IFI44: variants seen among roughly 807,000 people sequenced by gnomAD.
IFI44 encodes interferon-induced protein 44.
Under a neutral mutation model 45.0 loss-of-function variants are expected in IFI44, and 42 were observed. The ratio of observed to expected loss-of-function variants is 0.93; its 90% CI spans 0.73 to 1.21. The LOEUF is 1.21. IFI44 is among the 50% of genes most tolerant of loss of function. The pLI is 0.00. For missense variants in IFI44, 623 were observed against 525.8 expected (o/e 1.18, Z -1.81); for synonymous variants, 221 against 188.6 (o/e 1.17, Z -1.41).
intron 2 of IFI44, among the ~76,000 whole-genome samples, 192 bp downstream of exon 2, chr1:78,650,844 C>A (rs1014946771): frequency 2.0e-5 from 3 of 152,104 alleles, no homozygotes; most frequent in South Asian, 2.1e-4. Context: ...TGATAAGAAC[C>A]CTTAACGTAA....
chr1:78,656,337 A>G (rs1367224870), intron 5 of IFI44, among the ~76,000 whole-genome samples: 1 of 152,216 alleles, frequency 6.6e-6, no homozygotes, highest in East Asian at 1.9e-4. Flanking sequence ...TAGTCTTTTA[A>G]TGAACATTCA....
Position 78,662,781 on chromosome 1 carries a change from G to T in IFI44, c.1191G>T (p.Glu397Asp). ...TTAGCAATTATTCCTCTGAGTGGGA[G>T]CTGGACCCTGTAAAGGATGTTCTAA... ...SVVSNYSSEWELDPVKDVLIL... is the reference protein window; with the variant it reads ...SVVSNYSSEWDLDPVKDVLIL... The change falls in exon 8 of 9, where the codon GAG (glutamate) becomes GAT (aspartate). Residue 397 changes from glutamate to aspartate, a missense_variant. Transcript: ENST00000370747. 1 of 1,613,744 alleles carries T rather than the reference G, an allele frequency of 6.2e-7. No homozygotes were observed. The highest frequency in any genetic ancestry group is 8.5e-7 in the Non-Finnish European group (1 of 1,179,872).
chr1:78,654,146 TG>T, intron 2 of IFI44, 96 bp from the exon 3 acceptor site: 1 of 757,030 alleles, frequency 1.3e-6, no homozygotes, highest in Middle Eastern at 2.4e-4. Flanking sequence ...AGGCTATTTT[TG>T]TATTTGTCCC....
chr1:78,657,123 A>G (rs2100457604), intron 5 of IFI44, among the ~76,000 whole-genome samples: 1 of 152,136 alleles, frequency 6.6e-6, no homozygotes, highest in Admixed American at 6.6e-5. Flanking sequence ...AAACATAGCC[A>G]TAATACTCTT....
chr1:78,652,663 TC>T (rs1449930328), intron 2 of IFI44, among the ~76,000 whole-genome samples: 1 of 152,224 alleles, frequency 6.6e-6, no homozygotes, highest in Non-Finnish European at 1.5e-5. Context: ...TTGTTCCTTT[TC>T]ATTCATATAG....
intron 3 of IFI44, 87 bp from the exon 4 acceptor site, chr1:78,654,927 T>TA (rs1280997648): frequency 2.8e-5 from 28 of 1,010,080 alleles, no homozygotes; most frequent in Middle Eastern, 7.0e-4. Context: ...AAATAATATC[T>TA]ATGAAAAAAT....
At chr1:78,655,539 A>G (rs1647193910) in intron 5 of IFI44, 28 bp downstream of exon 5, 4 of 1,567,744 alleles carry the variant, frequency 2.6e-6, no homozygotes, top group Non-Finnish European at 3.5e-6. Flanking sequence ...AGAAATTATA[A>G]CTGATTTTTA....
chr1:78,663,822 GGT>G lies in IFI44; in HGVS notation c.*12_*13del, dbSNP rs1647610449. The G allele has an allele frequency of 3.1e-6, 5 of 1,609,096 alleles. No homozygotes were observed. The South Asian group carries it at 5.5e-5, about 18-fold the overall frequency. Reference sequence around the variant, plus strand: ...CAAGGAAAAAAATAGATATGTGAAAGGTTCACGTAAATTTCCTCACATCACAG... The same window carrying G: ...CAAGGAAAAAAATAGATATGTGAAAGTCACGTAAATTTCCTCACATCACAG... On this transcript the variant is annotated 3_prime_UTR_variant, in exon 9 of 9. Coordinates refer to ENST00000370747, the MANE Select transcript of IFI44 (RefSeq NM_006417.5).
At chr1:78,653,656 C>T (rs1372354957) in intron 2 of IFI44, among the ~76,000 whole-genome samples, 3 of 152,166 alleles carry the variant, frequency 2.0e-5, no homozygotes, top group Non-Finnish European at 4.4e-5. Flanking sequence ...CTGCTTACCC[C>T]TGAACAATTT....
chr1:78,655,102 AT>A lies in IFI44; in HGVS notation c.585del (p.Ile195MetfsTer12). On this transcript the variant is annotated frameshift_variant, in exon 4 of 9. Coordinates refer to ENST00000370747, the MANE Select transcript of IFI44 (RefSeq NM_006417.5). LOFTEE classifies it high-confidence loss of function. Reference sequence around the variant, plus strand: ...AATACGAATTCTGCTGCTGGGTCCAATTGGAGCTGGGAAGTCCAGCTTTTTC... The same window carrying A: ...AATACGAATTCTGCTGCTGGGTCCAATGGAGCTGGGAAGTCCAGCTTTTTC... ...QQIRILLLGP[I>X]GAGKSSFFNS... 1 of 1,613,900 alleles carries A rather than the reference AT, an allele frequency of 6.2e-7. No homozygotes were observed. The highest frequency in any genetic ancestry group is 8.5e-7 in the Non-Finnish European group (1 of 1,179,880).
rs2100480414 is a variant in IFI44, at chr1:78,662,703, G to A, written c.1114-1G>A. 1.2e-6 allele frequency: 2 copies of A among 1,609,692 alleles called. No individual in the cohort carries two copies. The highest frequency in any genetic ancestry group is 1.7e-4 in the Middle Eastern group (1 of 6,048). On this transcript the variant is annotated splice_acceptor_variant, in intron 7 of 8. Coordinates refer to ENST00000370747, the MANE Select transcript of IFI44 (RefSeq NM_006417.5). LOFTEE classifies it high-confidence loss of function. The stretch of plus-strand genomic sequence containing the variant: ...ATGTCTTTTTAATTTCTGTATTGCA[G>A]CTAGAGGAAGTCCAAAGAAAACTTG...
chr1:78,663,057 C>G, intron 8 of IFI44, 179 bp downstream of exon 8: 1 of 1,460,640 alleles, frequency 6.8e-7, no homozygotes, highest in Non-Finnish European at 9.0e-7. Flanking sequence ...CCCTCTTTTC[C>G]TGGAGTTCAT....
intron 4 of IFI44, 51 bp downstream of exon 4, chr1:78,655,260 A>G: frequency 6.4e-7 from 1 of 1,574,110 alleles, no homozygotes; most frequent in East Asian, 2.2e-5. Context: ...CAAATCAATT[A>G]TATTTCAAAA....
intron 2 of IFI44, among the ~76,000 whole-genome samples, chr1:78,651,516 C>T (rs1647124671): frequency 6.6e-6 from 1 of 152,174 alleles, no homozygotes; most frequent in East Asian, 1.9e-4. Context: ...CTGCCTCTCA[C>T]GTCCTGCTCT....
chr1:78,662,123 G>A (rs990890269), intron 7 of IFI44, among the ~76,000 whole-genome samples: 2 of 152,196 alleles, frequency 1.3e-5, no homozygotes, highest in Non-Finnish European at 2.9e-5. Context: ...CTGGAGGTGG[G>A]AACACCAGTT....
intron 8 of IFI44, 98 bp from the exon 9 acceptor site, chr1:78,663,667 A>G: frequency 1.3e-6 from 2 of 1,529,534 alleles, no homozygotes; most frequent in Admixed American, 2.1e-5. Flanking sequence ...TCCTAATATT[A>G]GCGTTGGTTG....
Position 78,662,978 on chromosome 1 carries a change from G to C in IFI44, c.1288+100G>C. ...CCTGGCAGCTCTCTGTCTTTTTGTGGGTTGTTGCCCTGTGATTAGTTCTGC... is the reference window on the plus strand; with the variant it reads ...CCTGGCAGCTCTCTGTCTTTTTGTGCGTTGTTGCCCTGTGATTAGTTCTGC... On this transcript the variant is annotated intron_variant, in intron 8 of 8. Transcript: ENST00000370747. The C allele has an allele frequency of 2.5e-6, 4 of 1,600,532 alleles. No individual in the cohort carries two copies. In the South Asian group the frequency reaches 4.5e-5, roughly 18 times the overall value.
In IFI44 at chr1:78,650,545, A is replaced by G. The variant is rs1361366005; in HGVS notation, c.350A>G (p.Asp117Gly). The G allele has an allele frequency of 6.2e-7, 1 of 1,613,320 alleles. No individual in the cohort carries two copies. Among genetic ancestry groups the G allele is most frequent in the Non-Finnish European group, 8.5e-7 (1 of 1,179,260 alleles). Reference protein sequence around the residue: ...KYNSPTNFQIDGRNRKVIMDL... With the variant: ...KYNSPTNFQIGGRNRKVIMDL... ...AACTCCCCAACTAATTTCCAGATAG[A>G]TGGAAGAAATAGAAAAGTGATTATG... The change falls in exon 2 of 9, where the codon GAT (aspartate) becomes GGT (glycine). Residue 117 changes from aspartate (D) to glycine (G), a missense_variant. Transcript: ENST00000370747.
Position 78,650,586 on chromosome 1 carries a change from G to A in IFI44, c.391G>A (p.Glu131Lys). Reference sequence around the variant, plus strand: ...AGTGATTATGGACTTAAAGACAATGGAAAATCTTGGACTTGCTCAAAATTG... The same window carrying A: ...AGTGATTATGGACTTAAAGACAATGAAAAATCTTGGACTTGCTCAAAATTG... ...RKVIMDLKTMENLGLAQNCTI... is the reference protein window; with the variant it reads ...RKVIMDLKTMKNLGLAQNCTI... Residue 131 changes from glutamate (E) to lysine (K), a missense_variant, in exon 2 of 9, where the codon GAA becomes AAA. Glu to Lys is a moderately conservative substitution (Grantham distance 56). Coordinates refer to ENST00000370747, the MANE Select transcript of IFI44 (RefSeq NM_006417.5). 6.2e-7 allele frequency: 1 copy of A among 1,611,728 alleles called. No individual in the cohort carries two copies. Among genetic ancestry groups the A allele is most frequent in the Non-Finnish European group, 8.5e-7 (1 of 1,179,260 alleles).
Sources: allele counts gnomAD v4.1 joint callset (sites outside exome capture counted in the v4.1 genomes callset), GRCh38; gene constraint gnomAD v4.1.1; transcripts MANE v1.5; gene names NCBI Gene and HGNC (gene_info 2026-07-23, HGNC 2026-07-21).